Variants in TLE3 observed in about 807,000 individuals in gnomAD.
The protein encoded by TLE3 is TLE family member 3, transcriptional corepressor, also known as transducin-like enhancer protein 3.
In TLE3, 14 loss-of-function variants were observed where a neutral mutation model predicts 93.0. The ratio of observed to expected loss-of-function variants is 0.15; its 90% CI spans 0.10 to 0.24. The LOEUF is 0.24. TLE3 is among the 10% of genes least tolerant of loss of function. TLE3 has a pLI of 1.00. For missense variants in TLE3, 693 were observed against 1,046.6 expected, an observed-to-expected ratio of 0.66 and a Z score of 4.66; for synonymous variants, 451 against 425.0, an observed-to-expected ratio of 1.06 and a Z score of -0.75.
Position 70,096,281 on chromosome 15 carries a change from G to A in TLE3, c.25-20C>T, listed in dbSNP as rs1367182063. 2 of 1,550,508 alleles carry A rather than the reference G, an allele frequency of 1.3e-6. No individual in the cohort carries two copies. The highest frequency in any genetic ancestry group is 2.0e-5 in the Admixed American group (1 of 51,056). ...GGGAGCCTGGAGCCCGCGAAGACAAGACAGGGGAGGGGGCGGGGGCATGAG... is the reference window on the plus strand; with the variant it reads ...GGGAGCCTGGAGCCCGCGAAGACAAAACAGGGGAGGGGGCGGGGGCATGAG... On this transcript the variant is annotated intron_variant, in intron 1 of 19. Coordinates refer to ENST00000451782, the MANE Select transcript of TLE3 (RefSeq NM_001105192.3).
At position 70,097,745 on chromosome 15, in the gene TLE3, C is replaced by T. The variant is rs112615456; in HGVS notation, c.-947G>A. On this transcript the variant is annotated 5_prime_UTR_variant, in exon 1 of 20. Transcript: ENST00000451782. ...TTCCCCTCGGCCCGGCTCTCCTCTC[C>T]GCGCCCCGGCAAACCCCCAAAACAC... 1.1e-4 allele frequency: 45 copies of T among 394,962 alleles called. No individual in the cohort carries two copies. The highest frequency in any genetic ancestry group is 7.4e-4 in the African/African-American group (36 of 48,588). The allele number at this position is 394,962 out of a possible 1,614,324, so 24.5% of individuals were successfully genotyped here.
At chr15:70,081,174 T>C (rs949539522) in intron 4 of TLE3, among the ~76,000 whole-genome samples, 2 of 152,224 alleles carry the variant, frequency 1.3e-5, no homozygotes, top group Admixed American at 6.5e-5. Context: ...TTCCCTTCTC[T>C]AGGCATTAAT....
At chr15:70,051,763 G>T (rs1425083078) in intron 18 of TLE3, among the ~76,000 whole-genome samples, 1 of 152,126 alleles carries the variant, frequency 6.6e-6, no homozygotes, top group Non-Finnish European at 1.5e-5. Context: ...AGGTTGACTG[G>T]CCTTTCTAAA....
Position 70,058,990 on chromosome 15 carries a change from C to T in TLE3, c.766-175G>A, listed in dbSNP as rs2056286276. Among the ~76,000 whole-genome samples, 1 of 152,182 alleles carries T rather than the reference C, an allele frequency of 6.6e-6. No homozygotes were observed. Among genetic ancestry groups the T allele is most frequent in the African/African-American group, 2.4e-5 (1 of 41,432 alleles). On this transcript the variant is annotated intron_variant, in intron 10 of 19. Transcript: ENST00000451782. This position sits in a 1 kb window ranked among gnomAD's most constrained non-coding sequence, Gnocchi z 4.1. ...TCTTAACCATCTGGTCTGACTGAGG[C>T]CTAGGGAGGGTGGAAGGATGGTCTT...
intron 19 of TLE3, 94 bp from the exon 20 acceptor site, chr15:70,050,298 G>T: frequency 4.2e-6 from 4 of 959,616 alleles, no homozygotes; most frequent in Non-Finnish European, 6.7e-6. Context: ...ACACCATCTC[G>T]GTTCTCTCGG....
At chr15:70,092,545 G>A (rs982345078) in intron 4 of TLE3, among the ~76,000 whole-genome samples, 7 of 152,196 alleles carry the variant, frequency 4.6e-5, no homozygotes, top group African/African-American at 1.4e-4. Context: ...TAAACAGGGG[G>A]CAAAGAATGC....
chr15:70,054,805 A>C, intron 15 of TLE3, 120 bp from the exon 16 acceptor site: 2 of 1,358,524 alleles, frequency 1.5e-6, no homozygotes, highest in Non-Finnish European at 2.0e-6. Flanking sequence ...CCCTATACCC[A>C]GCAGCTGCCA....
chr15:70,056,200 C>G, intron 14 of TLE3, 98 bp downstream of exon 14: 1 of 1,334,206 alleles, frequency 7.5e-7, no homozygotes, highest in Non-Finnish European at 1.1e-6. Context: ...CCAGGGCAAA[C>G]CCTTGGTCAG....
intron 4 of TLE3, among the ~76,000 whole-genome samples, chr15:70,091,255 T>C (rs1217383926): frequency 6.6e-6 from 1 of 152,228 alleles, no homozygotes; most frequent in Non-Finnish European, 1.5e-5. Flanking sequence ...AAAATCAAAA[T>C]GGCTCAAGTC....
rs2058600474 is a variant in TLE3, at chr15:70,097,016, GGGCGCC to G, written c.-224_-219del. On this transcript the variant is annotated 5_prime_UTR_variant, in exon 1 of 20. Coordinates refer to ENST00000451782, the MANE Select transcript of TLE3 (RefSeq NM_001105192.3). Reference sequence around the variant, plus strand: ...CGGAGCAGGCGGCAAAGTCGTCGGCGGGCGCCGGGGCCGGGCGGCGGGCGCGGGCTT... The same window carrying G: ...CGGAGCAGGCGGCAAAGTCGTCGGCGGGGGCCGGGCGGCGGGCGCGGGCTT... 1.7e-6 allele frequency: 1 copy of G among 595,638 alleles called. No individual in the cohort carries two copies. Among genetic ancestry groups the G allele is most frequent in the Non-Finnish European group, 2.9e-6 (1 of 347,884 alleles). 36.9% of individuals were successfully genotyped at this position (595,638 alleles called of 1,614,324 possible).
chr15:70,058,944 C>T lies in TLE3; in HGVS notation c.766-129G>A, dbSNP rs916902113. 4.0e-6 allele frequency: 5 copies of T among 1,258,638 alleles called. No individual in the cohort carries two copies. In the African/African-American group the frequency reaches 6.1e-5, roughly 15 times the overall value. 78.0% of individuals were successfully genotyped at this position (1,258,638 alleles called of 1,614,324 possible). ...GAGCTTGGCTGAAAGACTGGGGGCC[C>T]CACAGTGAGGAAAAACTAGCTCTTA... On this transcript the variant is annotated intron_variant, in intron 10 of 19. Transcript: ENST00000451782. This position sits in a 1 kb window ranked among gnomAD's most constrained non-coding sequence, Gnocchi z 4.1.
At chr15:70,070,166 C>T (rs1269507164) in intron 6 of TLE3, among the ~76,000 whole-genome samples, 8 of 152,232 alleles carry the variant, frequency 5.3e-5, no homozygotes, top group Admixed American at 3.9e-4. Flanking sequence ...CATGCATGGG[C>T]GTTCACTTTT....
chr15:70,087,087 C>T (rs2058071454), intron 4 of TLE3, among the ~76,000 whole-genome samples: 1 of 152,204 alleles, frequency 6.6e-6, no homozygotes, highest in African/African-American at 2.4e-5. Flanking sequence ...TCAGAGAGAA[C>T]CCTGAGCTGG....
intron 4 of TLE3, among the ~76,000 whole-genome samples, chr15:70,089,938 G>A (rs2058228845): frequency 6.6e-6 from 1 of 152,208 alleles, no homozygotes; most frequent in African/African-American, 2.4e-5. Context: ...TTCAGAGAAT[G>A]AGTCCCGAAT....
chr15:70,055,492 G>T, intron 14 of TLE3, 194 bp from the exon 15 acceptor site: 1 of 633,388 alleles, frequency 1.6e-6, no homozygotes, highest in Non-Finnish European at 2.4e-6. Context: ...TAACAGACCA[G>T]CTTTGATTTT....
At chr15:70,094,689 C>A in intron 3 of TLE3, 113 bp from the exon 4 acceptor site, 1 of 802,262 alleles carries the variant, frequency 1.2e-6, no homozygotes, top group South Asian at 1.8e-5. Flanking sequence ...GATACATTTG[C>A]TAAAGAAGTT....
At chr15:70,062,268 C>T (rs1178538025) in intron 8 of TLE3, among the ~76,000 whole-genome samples, 5 of 152,226 alleles carry the variant, frequency 3.3e-5, no homozygotes, top group African/African-American at 1.2e-4. Context: ...CTGCAATCGC[C>T]GGCAGAAAAA....
Position 70,075,959 on chromosome 15 carries a change from A to C in TLE3, c.297+137T>G, listed in dbSNP as rs189780162. 233 of 754,278 alleles carry C rather than the reference A, an allele frequency of 3.1e-4. No homozygotes were observed. The African/African-American group carries it at 3.5e-3, about 11-fold the overall frequency. 46.7% of individuals were successfully genotyped at this position (754,278 alleles called of 1,614,324 possible). A position where few individuals can be genotyped will look rare whatever the true frequency, so the allele number is the denominator to read the frequency against. On this transcript the variant is annotated intron_variant, in intron 5 of 19. Coordinates refer to ENST00000451782, the MANE Select transcript of TLE3 (RefSeq NM_001105192.3). ...GCCGGAGAAGGCTCTGGAAATCTCC[A>C]GGTTGTCAGCTCAGTCAGTATGAAT...
chr15:70,096,683 G>A lies in TLE3; in HGVS notation c.24+92C>T, dbSNP rs760247096. 7.7e-6 allele frequency: 12 copies of A among 1,568,394 alleles called. No individual in the cohort carries two copies. In the East Asian group the frequency reaches 2.4e-4, roughly 31 times the overall value. On this transcript the variant is annotated intron_variant, in intron 1 of 19. Coordinates refer to ENST00000451782, the MANE Select transcript of TLE3 (RefSeq NM_001105192.3). ...CACACACAAACACACACACCATAAA[G>A]GTAGCAACAAGCAAAATGGAGGTGC...
Sources: allele counts gnomAD v4.1 joint callset (sites outside exome capture counted in the v4.1 genomes callset), GRCh38; gene constraint gnomAD v4.1.1; non-coding constraint Gnocchi (gnomAD v3.1); transcripts MANE v1.5; gene names NCBI Gene and HGNC (gene_info 2026-07-23, HGNC 2026-07-21).